Variants in SLC16A7 observed in about 807,000 individuals in gnomAD.
SLC16A7 encodes the protein monocarboxylate transporter 2.
Under a neutral mutation model 34.9 loss-of-function variants are expected in SLC16A7, and 33 were observed. The observed-to-expected ratio is 0.94, with a 90% confidence interval of 0.72 to 1.26. The LOEUF is 1.26. Ranked by LOEUF, SLC16A7 falls within the 50% of genes most tolerant of loss-of-function variation. The pLI is 0.00. For synonymous variants in SLC16A7, 201 were observed against 206.6 expected (o/e 0.97, Z 0.23); for missense variants, 573 against 578.1 (o/e 0.99, Z 0.09).
chr12:59,663,078 T>C (rs920778894), intron 2 of SLC16A7, among the ~76,000 whole-genome samples: 2 of 152,012 alleles, frequency 1.3e-5, no homozygotes, highest in African/African-American at 4.8e-5. Context: ...GTAAGCAAAA[T>C]AATACAAAAT....
At chr12:59,731,429 A>G (rs532009394) in intron 3 of SLC16A7, among the ~76,000 whole-genome samples, 14 of 152,240 alleles carry the variant, frequency 9.2e-5, no homozygotes, top group East Asian at 1.9e-4. Flanking sequence ...TCACAGGACT[A>G]GTTCCTAGGA....
intron 2 of SLC16A7, among the ~76,000 whole-genome samples, chr12:59,685,578 T>C (rs1338304873): frequency 6.6e-6 from 1 of 152,150 alleles, no homozygotes; most frequent in Non-Finnish European, 1.5e-5. Context: ...ATCATGATAT[T>C]TTTATCCAAC....
At chr12:59,629,966 G>C (rs1302372593) in intron 1 of SLC16A7, among the ~76,000 whole-genome samples, 1 of 151,826 alleles carries the variant, frequency 6.6e-6, no homozygotes, top group Non-Finnish European at 1.5e-5. Flanking sequence ...TTTGAAGAAA[G>C]ACACCATTTT....
intron 3 of SLC16A7, among the ~76,000 whole-genome samples, chr12:59,720,572 A>G (rs1236314395): frequency 6.6e-6 from 1 of 152,100 alleles, no homozygotes; most frequent in East Asian, 1.9e-4. Flanking sequence ...CTTTGTCATA[A>G]TTGAGAAAAG....
At chr12:59,603,021 A>AC (rs1206142656) in intron 1 of SLC16A7, among the ~76,000 whole-genome samples, 6 of 150,974 alleles carry the variant, frequency 4.0e-5, no homozygotes, top group Non-Finnish European at 8.9e-5. Context: ...TCTTTCTGTC[A>AC]CCCCCATTCT....
chr12:59,632,550 A>G (rs1479777249), intron 1 of SLC16A7, among the ~76,000 whole-genome samples: 1 of 151,894 alleles, frequency 6.6e-6, no homozygotes, highest in Non-Finnish European at 1.5e-5. Flanking sequence ...GTACTTGCAC[A>G]ACCCTGAATT....
intron 3 of SLC16A7, among the ~76,000 whole-genome samples, chr12:59,757,337 G>A (rs1029060202): frequency 2.0e-5 from 3 of 152,000 alleles, no homozygotes; most frequent in African/African-American, 7.2e-5. Context: ...AACCACCATG[G>A]CACGTGTATA....
intron 3 of SLC16A7, among the ~76,000 whole-genome samples, chr12:59,716,403 A>T (rs1361651744): frequency 6.6e-6 from 1 of 152,228 alleles, no homozygotes; most frequent in Non-Finnish European, 1.5e-5. Context: ...AGCATCTGTA[A>T]ATAGGACTAT....
At chr12:59,605,119 G>A (rs1057208098) in intron 1 of SLC16A7, among the ~76,000 whole-genome samples, 3 of 152,176 alleles carry the variant, frequency 2.0e-5, no homozygotes, top group Admixed American at 2.0e-4. Flanking sequence ...CCAAAGTGCT[G>A]GGATTACAGG....
intron 2 of SLC16A7, among the ~76,000 whole-genome samples, chr12:59,680,003 T>G (rs1565645376): frequency 6.6e-6 from 1 of 152,184 alleles, no homozygotes; most frequent in South Asian, 2.1e-4. Flanking sequence ...ATGTTAATCA[T>G]TTTTGCAATG....
chr12:59,600,960 C>G (rs1878653861), intron 1 of SLC16A7, among the ~76,000 whole-genome samples: 1 of 152,122 alleles, frequency 6.6e-6, no homozygotes, highest in South Asian at 2.1e-4. Flanking sequence ...AAGATACTGG[C>G]CTAAAGGTAC....
At chr12:59,691,393 T>A (rs1871630211) in intron 2 of SLC16A7, among the ~76,000 whole-genome samples, 1 of 152,066 alleles carries the variant, frequency 6.6e-6, no homozygotes, top group Non-Finnish European at 1.5e-5. Flanking sequence ...AGCTATTGAT[T>A]GGCTATATGT....
chr12:59,658,906 C>T (rs997678866), intron 2 of SLC16A7, among the ~76,000 whole-genome samples: 1 of 151,948 alleles, frequency 6.6e-6, no homozygotes, highest in Non-Finnish European at 1.5e-5. Flanking sequence ...AATAATCAGT[C>T]AAATTTGCTA....
chr12:59,686,538 G>A (rs143019609), intron 2 of SLC16A7, among the ~76,000 whole-genome samples: 28 of 152,034 alleles, frequency 1.8e-4, no homozygotes, highest in Admixed American at 5.2e-4. Context: ...TCCAACAGTC[G>A]CTTTTCCTTT....
intron 3 of SLC16A7, among the ~76,000 whole-genome samples, chr12:59,761,702 C>T (rs1881032640): frequency 6.6e-6 from 1 of 152,032 alleles, no homozygotes; most frequent in Non-Finnish European, 1.5e-5. Flanking sequence ...ACATTCTTGT[C>T]AAGAAACAGG....
intron 2 of SLC16A7, among the ~76,000 whole-genome samples, chr12:59,660,688 GAA>G (rs1868801189): frequency 6.6e-6 from 1 of 152,042 alleles, no homozygotes; most frequent in African/African-American, 2.4e-5. Flanking sequence ...CACCCTGGGT[GAA>G]AGAGTGAGAC....
At chr12:59,769,758 A>G (rs1882045640) in intron 3 of SLC16A7, among the ~76,000 whole-genome samples, 1 of 152,124 alleles carries the variant, frequency 6.6e-6, no homozygotes. Context: ...TATATGATCC[A>G]TGTAAAAATT....
chr12:59,681,731 T>C (rs912137787), intron 2 of SLC16A7, among the ~76,000 whole-genome samples: 2 of 152,198 alleles, frequency 1.3e-5, no homozygotes, highest in Non-Finnish European at 2.9e-5. Flanking sequence ...GTATACTCTT[T>C]ATTAATTTCT....
chr12:59,704,470 A>G (rs1873315460), intron 2 of SLC16A7, among the ~76,000 whole-genome samples: 1 of 152,080 alleles, frequency 6.6e-6, no homozygotes, highest in Admixed American at 6.6e-5. Context: ...GCTATGACTG[A>G]TGTATAATGT....
Sources: allele counts gnomAD v4.1 joint callset (sites outside exome capture counted in the v4.1 genomes callset), GRCh38; gene constraint gnomAD v4.1.1; transcripts MANE v1.5; gene names NCBI Gene and HGNC (gene_info 2026-07-23, HGNC 2026-07-21).